Variants in MYH11 observed in about 807,000 individuals in gnomAD.
MYH11 encodes the protein myosin heavy chain 11.
Under a neutral mutation model 246.6 loss-of-function variants are expected in MYH11, and 80 were observed. That is an observed-to-expected ratio of 0.32 (90% CI 0.27 to 0.39). The LOEUF (loss-of-function observed/expected upper bound fraction) is 0.39. Among genes scored for constraint, MYH11 ranks in the 10% least tolerant of loss-of-function variants. MYH11 has a pLI of 1.00. For missense variants in MYH11, 2,158 were observed against 2,546.8 expected (o/e 0.85, Z 3.29); for synonymous variants, 1,071 against 1,015.5 (o/e 1.05, Z -1.04).
chr16:15,723,939 C>T (rs964893820), intron 31 of MYH11, among the ~76,000 whole-genome samples: 15 of 152,188 alleles, frequency 9.9e-5, no homozygotes, highest in African/African-American at 3.6e-4. Flanking sequence ...TGCTGGTACC[C>T]AGAAAAGTCA....
intron 40 of MYH11, among the ~76,000 whole-genome samples, chr16:15,706,281 T>C (rs1198078584): frequency 6.6e-6 from 1 of 152,148 alleles, no homozygotes; most frequent in Non-Finnish European, 1.5e-5. Flanking sequence ...TCTTTTTCTT[T>C]TTTAGCACTG....
intron 16 of MYH11, chr16:15,749,745 G>A (rs2041514422): frequency 6.9e-6 from 2 of 291,474 alleles, no homozygotes; most frequent in Non-Finnish European, 1.3e-5. Context: ...AAAAATGTCT[G>A]TAGCATGTCC....
intron 27 of MYH11, among the ~76,000 whole-genome samples, chr16:15,729,743 G>GT (rs1250232748): frequency 2.0e-5 from 3 of 151,998 alleles, no homozygotes; most frequent in Admixed American, 2.0e-4. Context: ...TAGAGACGGG[G>GT]TTTTGCCATG....
intron 6 of MYH11, among the ~76,000 whole-genome samples, chr16:15,782,136 C>G (rs2042369608): frequency 6.6e-6 from 1 of 152,164 alleles, no homozygotes. Flanking sequence ...CCACCTCAGC[C>G]TCCCAAAGTG....
intron 40 of MYH11, chr16:15,712,935 CCTCT>C (rs1453722751): frequency 1.4e-5 from 2 of 142,466 alleles, no homozygotes; most frequent in East Asian, 4.3e-4. Context: ...TGGACTGCAA[CCTCT>C]CTCTCCCGGT....
chr16:15,727,076 A>C, intron 27 of MYH11, 22 bp from the exon 28 acceptor site: 2 of 1,609,108 alleles, frequency 1.2e-6, no homozygotes, highest in Non-Finnish European at 1.7e-6. Flanking sequence ...AGCAGAGGGG[A>C]GGGATAACAG....
intron 1 of MYH11, among the ~76,000 whole-genome samples, chr16:15,843,196 C>G (rs2044100652): frequency 6.6e-6 from 1 of 151,698 alleles, no homozygotes; most frequent in Non-Finnish European, 1.5e-5. Context: ...ATGGGAAAAC[C>G]CTGTCTCTAC....
Position 15,747,913 on chromosome 16 carries a change from G to C in MYH11, c.2211C>G (p.Pro737=), listed in dbSNP as rs1395952032. The C allele has an allele frequency of 6.2e-7, 1 of 1,613,996 alleles. No individual in the cohort carries two copies. The stretch of plus-strand genomic sequence containing the variant: ...CCTGCTTCCCGTCCATGAAGCCTTT[G>C]GGGATGGCATTCGCCGCCAGGATCT... ...RYEILAANAI[P]KGFMDGKQAC... is the part of the protein sequence containing the mutation. The change falls in exon 18 of 41, where the codon CCC becomes CCG. Residue 737 remains proline, a synonymous_variant. Transcript: ENST00000300036.
rs191098180 is a variant in MYH11, at chr16:15,826,084, G to T, written c.346-2673C>A. ...TGGCCCGCCCCCAGGTATGAGCATG[G>T]TCCATTATGCTATCCAGCCTAGGCC... On this transcript the variant is annotated intron_variant, in intron 2 of 40. Coordinates refer to ENST00000300036, the MANE Select transcript of MYH11 (RefSeq NM_002474.3). Among the ~76,000 whole-genome samples, 5 of 152,238 alleles carry T rather than the reference G, an allele frequency of 3.3e-5. No individual in the cohort carries two copies. In the East Asian group the frequency reaches 9.6e-4, roughly 29 times the overall value.
At chr16:15,748,264 C>T in intron 16 of MYH11, 96 bp from the exon 17 acceptor site, 1 of 1,575,870 alleles carries the variant, frequency 6.3e-7, no homozygotes, top group Non-Finnish European at 8.6e-7. Context: ...CCTGGCCAGG[C>T]CATGAGGGTA....
chr16:15,799,049 C>T (rs1031759624), intron 3 of MYH11, among the ~76,000 whole-genome samples: 18 of 152,222 alleles, frequency 1.2e-4, no homozygotes, highest in African/African-American at 3.4e-4. Flanking sequence ...CCCTTAGCCA[C>T]TTCTCCGCTC....
At position 15,776,320 on chromosome 16, in the gene MYH11, C is replaced by T. The variant is rs544708837; in HGVS notation, c.791-144G>A. 67 of 684,392 alleles carry T rather than the reference C, an allele frequency of 9.8e-5. 1 individual carries two copies. The Middle Eastern group carries it at 1.1e-3, about 11-fold the overall frequency. The allele number at this position is 684,392 out of a possible 1,614,324, so 42.4% of individuals were successfully genotyped here. Reference sequence around the variant, plus strand: ...GGTAATGTCTAACTTTGACCATTGCCCCTATGGACAAATGGAACCGCTGGG... The same window carrying T: ...GGTAATGTCTAACTTTGACCATTGCTCCTATGGACAAATGGAACCGCTGGG... On this transcript the variant is annotated intron_variant, in intron 7 of 40. Coordinates refer to ENST00000300036, the MANE Select transcript of MYH11 (RefSeq NM_002474.3).
intron 3 of MYH11, among the ~76,000 whole-genome samples, chr16:15,800,024 ATGGG>A (rs1456390202): frequency 3.5e-5 from 5 of 143,208 alleles, no homozygotes; most frequent in Admixed American, 2.8e-4. Flanking sequence ...AGGTAGATGG[ATGGG>A]TGGGTGGGTG....
At chr16:15,824,873 G>T (rs927560162) in intron 2 of MYH11, among the ~76,000 whole-genome samples, 4 of 152,148 alleles carry the variant, frequency 2.6e-5, no homozygotes, top group Non-Finnish European at 4.4e-5. Context: ...CAGTAACAGT[G>T]ATTTCCCCAC....
rs756832190 is a variant in MYH11, at chr16:15,720,151, C to G, written c.4953G>C (p.Gln1651His). Residue 1651 changes from glutamine to histidine, a missense_variant and splice_region_variant, in exon 34 of 41, where the codon CAG becomes CAC. Coordinates refer to ENST00000300036, the MANE Select transcript of MYH11 (RefSeq NM_002474.3). ...EEAIKQLRKL[Q>H]AQMKDFQREL... is the part of the protein sequence containing the mutation. Reference sequence around the variant, plus strand: ...GCCCCAAGCTCCTAGTGTCACCCACCTGCAGTTTGCGTAGCTGCTTGATGG... The same window carrying G: ...GCCCCAAGCTCCTAGTGTCACCCACGTGCAGTTTGCGTAGCTGCTTGATGG... 26 of 1,614,018 alleles carry G rather than the reference C, an allele frequency of 1.6e-5. 1 individual carries two copies. In the East Asian group the frequency reaches 5.8e-4, roughly 36 times the overall value.
At chr16:15,765,151 G>A (rs2041953830) in intron 9 of MYH11, among the ~76,000 whole-genome samples, 2 of 152,160 alleles carry the variant, frequency 1.3e-5, no homozygotes, top group South Asian at 2.1e-4. Flanking sequence ...GAAGGTGGAT[G>A]GATGGATGAA....
intron 5 of MYH11, 40 bp from the exon 6 acceptor site, chr16:15,782,517 TAG>T (rs748414192): frequency 6.5e-6 from 10 of 1,547,628 alleles, no homozygotes; most frequent in Non-Finnish European, 7.1e-6. Context: ...GAAAGCAACC[TAG>T]GTCCTGACAG....
chr16:15,707,149 C>T (rs2039501449), intron 40 of MYH11, among the ~76,000 whole-genome samples: 1 of 152,112 alleles, frequency 6.6e-6, no homozygotes, highest in African/African-American at 2.4e-5. Context: ...AGCGATTCTC[C>T]TGCCTCAGCC....
At chr16:15,830,008 G>A (rs965467766) in intron 2 of MYH11, among the ~76,000 whole-genome samples, 6 of 152,110 alleles carry the variant, frequency 3.9e-5, no homozygotes, top group African/African-American at 9.7e-5. Flanking sequence ...GGTGGCGCGT[G>A]CCTGTAATCC....
Sources: allele counts gnomAD v4.1 joint callset (sites outside exome capture counted in the v4.1 genomes callset), GRCh38; gene constraint gnomAD v4.1.1; transcripts MANE v1.5; gene names NCBI Gene and HGNC (gene_info 2026-07-23, HGNC 2026-07-21).